The following SYN3 variants were observed in gnomAD, a reference collection of about 807,000 sequenced individuals.
SYN3 encodes the protein synapsin III.
Under a neutral mutation model 65.8 loss-of-function variants are expected in SYN3, and 35 were observed. The ratio of observed to expected loss-of-function variants is 0.53; its 90% CI spans 0.41 to 0.70. The LOEUF (loss-of-function observed/expected upper bound fraction) is 0.70, where lower values mean the gene tolerates loss of function less well. Among genes scored for constraint, SYN3 ranks in the 30% least tolerant of loss-of-function variants. The probability of loss-of-function intolerance (pLI) is 0.00; values close to 1 mark genes in which losing one functional copy is unlikely to be tolerated. For missense variants in SYN3, 680 were observed against 749.0 expected (o/e 0.91, Z 1.08); for synonymous variants, 270 against 292.9 (o/e 0.92, Z 0.80).
At chr22:32,915,264 A>G (rs987193195) in intron 4 of SYN3, among the ~76,000 whole-genome samples, 1 of 152,218 alleles carries the variant, frequency 6.6e-6, no homozygotes, top group Non-Finnish European at 1.5e-5. Context: ...CAGAACTTAA[A>G]GTATAATAAT....
At chr22:32,649,860 A>T (rs4820085) in intron 6 of SYN3, among the ~76,000 whole-genome samples, 17,639 of 152,122 alleles carry the variant, frequency 0.12, 1,921 homozygotes, top group East Asian at 0.56. Flanking sequence ...TAGGACAAAT[A>T]ATGACTTGAA....
chr22:32,676,348 C>T (rs1355938916), intron 6 of SYN3, among the ~76,000 whole-genome samples: 4 of 152,062 alleles, frequency 2.6e-5, no homozygotes, highest in African/African-American at 9.7e-5. Flanking sequence ...AGCTTGGCAC[C>T]AGCAAGATTT....
Position 32,846,795 on chromosome 22 carries a change from A to G in SYN3, c.711+18120T>C, listed in dbSNP as rs547105932. 2.6e-5 allele frequency among the ~76,000 whole-genome samples: 4 copies of G among 152,366 alleles called. No individual in the cohort carries two copies. The East Asian group carries it at 7.7e-4, about 29-fold the overall frequency. ...GAAAGCCAGAGAGATTCAGGAGGAA[A>G]GAGCCCCAGAGAGATCATACAGTAA... On this transcript the variant is annotated intron_variant, in intron 6 of 13. Coordinates refer to ENST00000358763, the MANE Select transcript of SYN3 (RefSeq NM_003490.4).
At position 32,516,944 on chromosome 22, in the gene SYN3, C is replaced by A. The variant is rs138975037; in HGVS notation, c.1610+1099G>T. Among the ~76,000 whole-genome samples, 492 of 152,294 alleles carry A rather than the reference C, an allele frequency of 3.2e-3. 2 individuals carry two copies. The highest frequency in any genetic ancestry group is 0.01 in the African/African-American group (431 of 41,558). ...GTGGACAATAGCTGTTAGCTGTGAA[C>A]TGTGATGATCAACATTTGGCCTTGA... On this transcript the variant is annotated intron_variant, in intron 13 of 13. Coordinates refer to ENST00000358763, the MANE Select transcript of SYN3 (RefSeq NM_003490.4).
intron 6 of SYN3, among the ~76,000 whole-genome samples, chr22:32,688,882 A>G (rs2060626864): frequency 1.3e-5 from 2 of 152,152 alleles, no homozygotes; most frequent in Non-Finnish European, 2.9e-5. Context: ...AGGCAGCCGT[A>G]GGCAGGGGCC....
chr22:32,774,707 G>A (rs1036117993), intron 6 of SYN3, among the ~76,000 whole-genome samples: 2 of 151,966 alleles, frequency 1.3e-5, no homozygotes, highest in South Asian at 4.2e-4. Flanking sequence ...TGATTCTCCC[G>A]CCTCAGCCTC....
chr22:33,010,847 T>C (rs73881933), intron 1 of SYN3, among the ~76,000 whole-genome samples: 2,080 of 152,302 alleles, frequency 0.014, 52 homozygotes, highest in African/African-American at 0.048. Context: ...TTTATTCCTA[T>C]TTCGTTTGGG....
At chr22:32,983,619 T>A (rs2052435410) in intron 2 of SYN3, among the ~76,000 whole-genome samples, 1 of 152,162 alleles carries the variant, frequency 6.6e-6, no homozygotes, top group African/African-American at 2.4e-5. Flanking sequence ...GATTTTGATT[T>A]TTTTTTTCTT....
chr22:32,551,115 A>C (rs534145402), intron 7 of SYN3, among the ~76,000 whole-genome samples: 1 of 152,330 alleles, frequency 6.6e-6, no homozygotes, highest in East Asian at 1.9e-4. Context: ...CTAGCTACTA[A>C]ATGCAAAAGA....
chr22:32,586,073 C>T (rs5994592), intron 7 of SYN3, among the ~76,000 whole-genome samples: 76,051 of 145,258 alleles, frequency 0.52, 21,260 homozygotes, highest in African/African-American at 0.76. Context: ...TATATGTATA[C>T]ATGTATACAT....
chr22:32,569,553 CTCTCTCTCTCTCTCTCTCTATATA>C (rs774046832), intron 7 of SYN3, among the ~76,000 whole-genome samples: 1 of 84,638 alleles, frequency 1.2e-5, no homozygotes, highest in African/African-American at 5.1e-5. Context: ...CTCTCTCTCT[CTCTCTCTCTCTCTCTCTCTATATA>C]TATATATATA....
intron 6 of SYN3, among the ~76,000 whole-genome samples, chr22:32,855,989 C>T (rs1020236695): frequency 3.9e-5 from 6 of 152,300 alleles, no homozygotes; most frequent in East Asian, 1.9e-4. Context: ...TTTCACCAGA[C>T]GCTCAGAAGA....
rs998610348 is a variant in SYN3, at chr22:32,602,413, A to G, written c.712-5677T>C. ...TGTATACACCCCTCCTCCCATGTCA[A>G]TAAAGATAGTTCTATCCCGATAGTT... is the stretch of plus-strand genomic sequence containing the variant. On this transcript the variant is annotated intron_variant, in intron 6 of 13. Transcript: ENST00000358763. 2.0e-5 allele frequency among the ~76,000 whole-genome samples: 3 copies of G among 152,114 alleles called. No individual in the cohort carries two copies. The East Asian group carries it at 5.8e-4, about 29-fold the overall frequency.
chr22:32,796,494 A>G (rs746387313), intron 6 of SYN3, among the ~76,000 whole-genome samples: 1 of 152,128 alleles, frequency 6.6e-6, no homozygotes, highest in Non-Finnish European at 1.5e-5. Flanking sequence ...TTGGCTCCAG[A>G]TGGAGGCAAG....
chr22:32,850,837 A>G (rs2048198054), intron 6 of SYN3, among the ~76,000 whole-genome samples: 1 of 152,188 alleles, frequency 6.6e-6, no homozygotes, highest in South Asian at 2.1e-4. Flanking sequence ...ACAAGCCGCA[A>G]TGTCCAGGTA....
chr22:32,979,483 C>T (rs2052308442), intron 3 of SYN3, among the ~76,000 whole-genome samples: 1 of 152,160 alleles, frequency 6.6e-6, no homozygotes, highest in Non-Finnish European at 1.5e-5. Context: ...GCTTAGAAGA[C>T]CTTTCTGTTT....
chr22:32,814,987 G>T (rs1350900891), intron 6 of SYN3, among the ~76,000 whole-genome samples: 1 of 152,092 alleles, frequency 6.6e-6, no homozygotes, highest in East Asian at 1.9e-4. Context: ...TTATTAATAA[G>T]ATCTTAATAT....
chr22:32,791,122 T>G (rs1447336388), intron 6 of SYN3, among the ~76,000 whole-genome samples: 1 of 152,200 alleles, frequency 6.6e-6, no homozygotes, highest in Non-Finnish European at 1.5e-5. Context: ...AAAATGGGCA[T>G]GATCATAACA....
At position 32,527,985 on chromosome 22, in the gene SYN3, C is replaced by T; in HGVS notation, c.1251G>A (p.Ala417=). The change falls in exon 12 of 14, where the codon GCG becomes GCA. Residue 417 remains alanine (A), a synonymous_variant. Transcript: ENST00000358763. ...LRPWAPQIKS[A]KSPGQAQLGP... ...CCAGCTGGGCTTGCCCTGGGGATTT[C>T]GCTGATTTAATCTGTGGAGCCTAGA... 2 of 1,585,612 alleles carry T rather than the reference C, an allele frequency of 1.3e-6. No individual in the cohort carries two copies. The highest frequency in any genetic ancestry group is 1.7e-6 in the Non-Finnish European group (2 of 1,164,652).
Sources: allele counts gnomAD v4.1 joint callset (sites outside exome capture counted in the v4.1 genomes callset), GRCh38; gene constraint gnomAD v4.1.1; transcripts MANE v1.5; gene names NCBI Gene and HGNC (gene_info 2026-07-23, HGNC 2026-07-21).